Variants in DCAF8 observed in about 807,000 individuals in gnomAD.
DCAF8 encodes DDB1 and CUL4 associated factor 8.
Under a neutral mutation model 68.0 loss-of-function variants are expected in DCAF8, and 20 were observed. The observed-to-expected ratio is 0.29, with a 90% CI of 0.21 to 0.43. The LOEUF (loss-of-function observed/expected upper bound fraction) is 0.43. Among genes scored for constraint, DCAF8 ranks in the 20% least tolerant of loss-of-function variants. The pLI is 1.00. For missense variants in DCAF8, 460 were observed against 771.0 expected (o/e 0.60, Z 4.78); for synonymous variants, 230 against 276.9 (o/e 0.83, Z 1.68).
intron 10 of DCAF8, 66 bp downstream of exon 10, chr1:160,224,376 G>A: frequency 8.3e-7 from 1 of 1,201,200 alleles, no homozygotes; most frequent in South Asian, 1.2e-5. Context: ...TATAACCTGA[G>A]TAAGACACTG....
At position 160,231,289 on chromosome 1, in the gene DCAF8, A is replaced by C. The variant is rs1571087480; in HGVS notation, c.1070+8T>G. On this transcript the variant is annotated splice_region_variant and intron_variant, in intron 7 of 13. Transcript: ENST00000368074. Reference sequence around the variant, plus strand: ...ACTGTCAAAGACACAAAAGAGCCACAAACTCACCTTACAAACTGATCTCGT... The same window carrying C: ...ACTGTCAAAGACACAAAAGAGCCACCAACTCACCTTACAAACTGATCTCGT... 1 of 1,606,190 alleles carries C rather than the reference A, an allele frequency of 6.2e-7. No homozygotes were observed. The highest frequency in any genetic ancestry group is 2.2e-5 in the East Asian group (1 of 44,838).
intron 6 of DCAF8, 84 bp downstream of exon 6, chr1:160,237,051 C>A: frequency 2.1e-6 from 2 of 964,882 alleles, no homozygotes; most frequent in Non-Finnish European, 3.1e-6. Context: ...TTCGGATGAA[C>A]CAGAGTTAGG....
chr1:160,222,996 A>G (rs571141322), intron 10 of DCAF8, among the ~76,000 whole-genome samples: 3 of 152,242 alleles, frequency 2.0e-5, no homozygotes. Context: ...GTCCTTTAGC[A>G]GCAGCCTTAG....
chr1:160,222,624 C>G (rs371339023), intron 11 of DCAF8, 27 bp downstream of exon 11: 6 of 1,612,054 alleles, frequency 3.7e-6, no homozygotes, highest in Non-Finnish European at 5.1e-6. Flanking sequence ...GATTAGGGAG[C>G]CAGCCAGCTC....
At chr1:160,254,473 C>T (rs1159458034) in intron 2 of DCAF8, among the ~76,000 whole-genome samples, 1 of 151,724 alleles carries the variant, frequency 6.6e-6, no homozygotes, top group South Asian at 2.1e-4. Flanking sequence ...TACCTTTCAG[C>T]TTCATCTCTT....
Position 160,239,861 on chromosome 1 carries a change from G to A in DCAF8, c.559C>T (p.His187Tyr), listed in dbSNP as rs373676811. 1 of 1,614,142 alleles carries A rather than the reference G, an allele frequency of 6.2e-7. No homozygotes were observed. Among genetic ancestry groups the A allele is most frequent in the South Asian group, 1.1e-5 (1 of 91,094 alleles). The change falls in exon 4 of 14, where the codon CAT becomes TAT. Residue 187 changes from histidine (H) to tyrosine (Y), a missense_variant. By Grantham distance (83) the His-to-Tyr change is moderately conservative. Coordinates refer to ENST00000368074, the MANE Select transcript of DCAF8 (RefSeq NM_015726.4). Reference protein sequence around the residue: ...RVFVQRFRLQHGLEGHTGCVN... With the variant: ...RVFVQRFRLQYGLEGHTGCVN... Reference sequence around the variant, plus strand: ...CAACCAGTATGGCCCTCAAGCCCATGCTGCAGGCGGAAACGCTGCACAAAG... The same window carrying A: ...CAACCAGTATGGCCCTCAAGCCCATACTGCAGGCGGAAACGCTGCACAAAG...
intron 7 of DCAF8, 63 bp from the exon 8 acceptor site, chr1:160,225,726 T>C: frequency 7.4e-7 from 1 of 1,354,480 alleles, no homozygotes; most frequent in South Asian, 1.2e-5. Context: ...AGAGCTGCAA[T>C]TTGATGTAGT....
At chr1:160,224,121 T>G (rs1226579138) in intron 10 of DCAF8, among the ~76,000 whole-genome samples, 1 of 152,190 alleles carries the variant, frequency 6.6e-6, no homozygotes, top group East Asian at 1.9e-4. Flanking sequence ...GACCACTGAC[T>G]AAAGAGGGCT....
At chr1:160,231,021 C>T (rs1411013918) in intron 7 of DCAF8, among the ~76,000 whole-genome samples, 4 of 151,954 alleles carry the variant, frequency 2.6e-5, no homozygotes, top group African/African-American at 9.7e-5. Context: ...CCCAAAGTGT[C>T]GAGATTACAG....
intron 2 of DCAF8, among the ~76,000 whole-genome samples, chr1:160,250,268 A>G (rs1020380052): frequency 6.6e-6 from 1 of 152,186 alleles, no homozygotes; most frequent in Non-Finnish European, 1.5e-5. Context: ...GTTCGAGACC[A>G]GCCTGACCAA....
At chr1:160,254,143 G>A (rs1656727908) in intron 2 of DCAF8, among the ~76,000 whole-genome samples, 1 of 151,928 alleles carries the variant, frequency 6.6e-6, no homozygotes, top group East Asian at 1.9e-4. Context: ...CCAACATGGT[G>A]AAGCTCCGTC....
At chr1:160,225,272 C>T (rs539345189) in intron 8 of DCAF8, among the ~76,000 whole-genome samples, 153 bp from the exon 9 acceptor site, 5 of 152,254 alleles carry the variant, frequency 3.3e-5, no homozygotes, top group Non-Finnish European at 2.9e-5. Context: ...GAAACATGAC[C>T]ACCTCAGGGG....
At chr1:160,262,246 G>GGA (rs1657130031) in intron 1 of DCAF8, 1 of 398,364 alleles carries the variant, frequency 2.5e-6, no homozygotes, top group African/African-American at 2.1e-5. Context: ...GCGAGGGGGG[G>GGA]CGCAGGCCGA....
chr1:160,256,196 TTAAC>T lies in DCAF8; in HGVS notation c.-27+5085_-27+5088del, dbSNP rs1232130157. Reference sequence around the variant, plus strand: ...AACATCCAGGACCATTTATCTCAGTTTAACTAATTCCTAGGGAAATCTACTTTTC... The same window carrying T: ...AACATCCAGGACCATTTATCTCAGTTTAATTCCTAGGGAAATCTACTTTTC... On this transcript the variant is annotated intron_variant, in intron 2 of 13. Transcript: ENST00000368074. 3.9e-5 allele frequency among the ~76,000 whole-genome samples: 6 copies of T among 152,166 alleles called. No individual in the cohort carries two copies. The South Asian group carries it at 1.0e-3, about 26-fold the overall frequency.
intron 1 of DCAF8, chr1:160,261,818 T>C (rs934176150): frequency 4.6e-5 from 7 of 152,216 alleles, no homozygotes; most frequent in Admixed American, 6.5e-5. Context: ...CCTAAAAGAT[T>C]TGGGAGTTAG....
intron 2 of DCAF8, among the ~76,000 whole-genome samples, chr1:160,257,493 C>T (rs1042220978): frequency 2.6e-5 from 4 of 152,184 alleles, no homozygotes; most frequent in Non-Finnish European, 5.9e-5. Context: ...AAGCCTATTA[C>T]TCCCCTGATA....
rs1213347937 is a variant in DCAF8 at position 160,240,140 on chromosome 1, G to T, written c.280C>A (p.Arg94=). ...TGHYSINDEN[R]VHDRSEEEEE... is the part of the protein sequence containing the mutation. The stretch of plus-strand genomic sequence containing the variant: ...TCTTCCTCTGAGCGGTCATGGACTC[G>T]ATTTTCATCATTAATGGAGTAATGA... The change falls in exon 4 of 14, where the codon CGA becomes AGA. Residue 94 remains arginine (R), a synonymous_variant. Transcript: ENST00000368074. The T allele has an allele frequency of 6.2e-7, 1 of 1,613,686 alleles. No individual in the cohort carries two copies. Among genetic ancestry groups the T allele is most frequent in the Non-Finnish European group, 8.5e-7 (1 of 1,179,822 alleles).
In DCAF8 at chr1:160,238,694, G is replaced by A. The variant is rs150783109; in HGVS notation, c.777C>T (p.Asp259=). The change falls in exon 5 of 14, where the codon GAC becomes GAT. Residue 259 remains aspartate, a synonymous_variant. Coordinates refer to ENST00000368074, the MANE Select transcript of DCAF8 (RefSeq NM_015726.4). ...GDSTLAMCAR[D]GQVRVAELSA... ...ACAGTTCTGCTACTCGAACCTGCCC[G>A]TCACGGGCACACATGGCCAGAGTAG... 2.9e-5 allele frequency: 47 copies of A among 1,613,750 alleles called. No homozygotes were observed. The highest frequency in any genetic ancestry group is 2.7e-4 in the East Asian group (12 of 44,846).
intron 6 of DCAF8, among the ~76,000 whole-genome samples, chr1:160,236,273 C>T (rs1382199204): frequency 6.9e-6 from 1 of 144,296 alleles, no homozygotes; most frequent in Admixed American, 6.9e-5. Flanking sequence ...AACACACACA[C>T]ACATACATAC....
Sources: gnomAD v4.1 joint callset for allele counts (sites outside exome capture counted in the v4.1 genomes callset) on GRCh38, gnomAD v4.1.1 for gene constraint, MANE v1.5 for transcripts, NCBI Gene and HGNC (gene_info 2026-07-23, HGNC 2026-07-21) for gene names.